BTAF1: variants seen among roughly 807,000 people sequenced by gnomAD.
The protein encoded by BTAF1 is TATA-binding protein-associated factor 172.
A neutral mutation model predicts 227.1 loss-of-function variants in BTAF1; 38 were observed. The observed-to-expected ratio is 0.17, with a 90% CI of 0.13 to 0.22. The LOEUF (loss-of-function observed/expected upper bound fraction) is 0.22, where lower values mean the gene tolerates loss of function less well. Ranked by LOEUF, BTAF1 falls within the 10% of genes least tolerant of loss-of-function variation. The probability of loss-of-function intolerance (pLI) is 1.00; values close to 1 mark genes in which losing one functional copy is unlikely to be tolerated. For missense variants in BTAF1, 1,598 were observed against 2,204.0 expected, an observed-to-expected ratio of 0.73 and a Z score of 5.51; for synonymous variants, 742 against 751.9, an observed-to-expected ratio of 0.99 and a Z score of 0.21.
chr10:91,993,671 T>C (rs1848955930), intron 21 of BTAF1, 23 bp from the exon 22 acceptor site: 1 of 1,419,860 alleles, frequency 7.0e-7, no homozygotes, highest in Non-Finnish European at 9.3e-7. Context: ...AAATTCTGTT[T>C]TTATCTAACA....
intron 1 of BTAF1, 141 bp downstream of exon 1, chr10:91,924,231 C>T (rs763561903): frequency 5.7e-5 from 68 of 1,200,436 alleles, no homozygotes; most frequent in Non-Finnish European, 7.5e-5. Flanking sequence ...CGGAGTTCGC[C>T]CCGTGGTCGG....
At chr10:92,027,491 T>TC (rs1851594435) in intron 37 of BTAF1, among the ~76,000 whole-genome samples, 191 bp downstream of exon 37, 2 of 152,100 alleles carry the variant, frequency 1.3e-5, no homozygotes, top group Non-Finnish European at 2.9e-5. Context: ...TTTTTTTTTT[T>TC]CATTGATGTC....
intron 19 of BTAF1, among the ~76,000 whole-genome samples, chr10:91,984,776 T>C (rs1309496476): frequency 6.6e-6 from 1 of 152,138 alleles, no homozygotes; most frequent in East Asian, 1.9e-4. Flanking sequence ...ATAGAAAAAG[T>C]GATGAAATTA....
At chr10:91,939,753 C>T (rs1844869546) in intron 2 of BTAF1, among the ~76,000 whole-genome samples, 199 bp from the exon 3 acceptor site, 2 of 152,070 alleles carry the variant, frequency 1.3e-5, no homozygotes, top group South Asian at 4.2e-4. Context: ...TTTCTTAAAT[C>T]CCCTTTTTAA....
At chr10:91,969,712 C>G (rs1408211757) in intron 14 of BTAF1, among the ~76,000 whole-genome samples, 1 of 152,150 alleles carries the variant, frequency 6.6e-6, no homozygotes, top group Non-Finnish European at 1.5e-5. Flanking sequence ...GCCTGTGATC[C>G]CAGCACTTTG....
chr10:91,983,195 AG>A (rs1848184151), intron 18 of BTAF1, among the ~76,000 whole-genome samples: 1 of 152,358 alleles, frequency 6.6e-6, no homozygotes, highest in East Asian at 1.9e-4. Context: ...GGTCACAGGA[AG>A]AATAACATCT....
At chr10:91,963,651 G>T (rs1414787291) in intron 12 of BTAF1, among the ~76,000 whole-genome samples, 4 of 152,070 alleles carry the variant, frequency 2.6e-5, no homozygotes, top group African/African-American at 9.7e-5. Context: ...CACAAAGTTA[G>T]AAGTACAGTA....
At chr10:91,959,476 A>G (rs1846335873) in intron 9 of BTAF1, among the ~76,000 whole-genome samples, 1 of 152,070 alleles carries the variant, frequency 6.6e-6, no homozygotes, top group Non-Finnish European at 1.5e-5. Flanking sequence ...TGCGAGTAAC[A>G]TAATACAATC....
intron 33 of BTAF1, among the ~76,000 whole-genome samples, chr10:92,018,309 C>T (rs903293371): frequency 6.6e-6 from 1 of 152,120 alleles, no homozygotes; most frequent in East Asian, 1.9e-4. Context: ...TCTTGAACTC[C>T]TGACCTCAGG....
chr10:92,006,558 C>T (rs11186792), intron 25 of BTAF1, among the ~76,000 whole-genome samples: 3 of 151,862 alleles, frequency 2.0e-5, no homozygotes, highest in South Asian at 2.1e-4. Flanking sequence ...CATTGAGTTA[C>T]GTAAATCTTC....
chr10:92,016,344 A>T lies in BTAF1; in HGVS notation c.4589A>T (p.Gln1530Leu), dbSNP rs959605695. Reference protein sequence around the residue: ...YYCTLSPLQVQLYEDFAKSRA... With the variant: ...YYCTLSPLQVLLYEDFAKSRA... ...CCCACGGGGGCCATTTTACAGGTTC[A>T]GCTCTATGAAGATTTTGCTAAGTCT... is the stretch of plus-strand genomic sequence containing the variant. The change falls in exon 33 of 38, where the codon CAG (glutamine) becomes CTG (leucine). Residue 1530 changes from glutamine to leucine, a missense_variant. By Grantham distance (113) the Gln-to-Leu change is moderately radical. Around this residue, in one of 10 missense-constraint regions of BTAF1, gnomAD observed 205 missense variants for 244.5 expected, o/e 0.84. Coordinates refer to ENST00000265990, the MANE Select transcript of BTAF1 (RefSeq NM_003972.3). 1.9e-6 allele frequency: 3 copies of T among 1,596,950 alleles called. No individual in the cohort carries two copies. Among genetic ancestry groups the T allele is most frequent in the African/African-American group, 1.3e-5 (1 of 74,226 alleles).
chr10:91,968,660 A>G (rs1847087370), intron 14 of BTAF1, among the ~76,000 whole-genome samples: 1 of 152,194 alleles, frequency 6.6e-6, no homozygotes, highest in Admixed American at 6.5e-5. Context: ...TTCTACCAGC[A>G]ATGAGTGAGG....
intron 35 of BTAF1, among the ~76,000 whole-genome samples, chr10:92,025,810 CAAAAAAAAAA>C (rs71025383): frequency 7.9e-4 from 69 of 86,908 alleles, no homozygotes; most frequent in African/African-American, 3.2e-3. Context: ...GACTCTGTCT[CAAAAAAAAAA>C]AAAAAAAAAA....
chr10:91,985,822 T>C (rs566467409), intron 19 of BTAF1, among the ~76,000 whole-genome samples: 41 of 152,334 alleles, frequency 2.7e-4, no homozygotes, highest in Middle Eastern at 3.4e-3. Flanking sequence ...TTGTTTGTTA[T>C]TGAGTTGTGG....
rs1303972783 is a variant in BTAF1 at position 91,976,216 on chromosome 10, C to T, written c.1651-4238C>T. ...AGGAACAGCCAGATGGAAGGAGATG[C>T]ACAAGGCAAGGTATGGGGATGAGGT... On this transcript the variant is annotated intron_variant, in intron 14 of 37. Coordinates refer to ENST00000265990, the MANE Select transcript of BTAF1 (RefSeq NM_003972.3). Among the ~76,000 whole-genome samples, 4 of 152,152 alleles carry T rather than the reference C, an allele frequency of 2.6e-5. No homozygotes were observed. In the East Asian group the frequency reaches 5.8e-4, roughly 22 times the overall value.
At position 91,989,190 on chromosome 10, in the gene BTAF1, G is replaced by A. The variant is rs375243421; in HGVS notation, c.2464G>A (p.Asp822Asn). ...TTTTAATGAAGCCACATCATCTTTC[G>A]ATTTAAATCCTCAAGTGTTACAACA... ...TVFNEATSSF[D>N]LNPQVLQQLD... The change falls in exon 20 of 38, where the codon GAT (aspartate) becomes AAT (asparagine). Residue 822 changes from aspartate (D) to asparagine (N), a missense_variant. Physicochemically the swap from Asp to Asn is conservative, Grantham distance 23 (BLOSUM62 1). Transcript: ENST00000265990. 1.4e-5 allele frequency: 22 copies of A among 1,612,350 alleles called. No individual in the cohort carries two copies. The highest frequency in any genetic ancestry group is 8.8e-5 in the South Asian group (8 of 90,908).
chr10:91,928,808 T>G (rs1028032965), intron 1 of BTAF1, among the ~76,000 whole-genome samples: 2 of 128,544 alleles, frequency 1.6e-5, no homozygotes, highest in Admixed American at 8.7e-5. Context: ...ATGGATTTCT[T>G]TGGCATTTTT....
intron 14 of BTAF1, 106 bp from the exon 15 acceptor site, chr10:91,980,348 G>A: frequency 1.3e-6 from 1 of 791,816 alleles, no homozygotes; most frequent in South Asian, 1.7e-5. Context: ...ATGAAACCAT[G>A]CAGTCTTTTC....
At chr10:91,981,919 T>G (rs1307917212) in intron 16 of BTAF1, 127 bp downstream of exon 16, 1 of 1,362,324 alleles carries the variant, frequency 7.3e-7, no homozygotes, top group Non-Finnish European at 9.8e-7. Flanking sequence ...GAAACCGTTA[T>G]TTTATTAGGA....
Sources: allele counts gnomAD v4.1 joint callset (sites outside exome capture counted in the v4.1 genomes callset), GRCh38; gene constraint gnomAD v4.1.1; regional missense constraint gnomAD v4.1.1; transcripts MANE v1.5; gene names NCBI Gene and HGNC (gene_info 2026-07-23, HGNC 2026-07-21).